The following BBOX1 variants were observed in gnomAD, a reference collection of about 807,000 sequenced individuals.
The protein encoded by BBOX1 is gamma-butyrobetaine dioxygenase.
BBOX1 carries 35 observed loss-of-function variants against 41.6 expected under a neutral mutation model. The observed-to-expected ratio is 0.84, with a 90% CI of 0.64 to 1.11. The LOEUF (loss-of-function observed/expected upper bound fraction) is 1.11. Among genes scored for constraint, BBOX1 ranks in the 50% most tolerant of loss-of-function variants. The pLI is 0.00. For missense variants in BBOX1, 458 were observed against 460.6 expected (o/e 0.99, Z 0.05); for synonymous variants, 163 against 154.7 (o/e 1.05, Z -0.40).
At chr11:27,047,947 T>A (rs893216454) in intron 2 of BBOX1, among the ~76,000 whole-genome samples, 1 of 152,180 alleles carries the variant, frequency 6.6e-6, no homozygotes, top group Non-Finnish European at 1.5e-5. Flanking sequence ...AATAATCTTT[T>A]TTCACTTTAT....
At chr11:27,126,165 A>AT (rs1859643887) in intron 8 of BBOX1, among the ~76,000 whole-genome samples, 1 of 152,214 alleles carries the variant, frequency 6.6e-6, no homozygotes, top group Admixed American at 6.5e-5. Flanking sequence ...AGCAGAAAGC[A>AT]TTATATTTTT....
chr11:27,080,103 T>G (rs955317896), intron 4 of BBOX1, among the ~76,000 whole-genome samples: 4 of 152,116 alleles, frequency 2.6e-5, no homozygotes, highest in Non-Finnish European at 5.9e-5. Flanking sequence ...TAATATTTAC[T>G]GCACTGTTTA....
rs201887644 is a variant in BBOX1, at chr11:27,064,912, A to C, written c.334+7597A>C. On this transcript the variant is annotated intron_variant, in intron 4 of 8. Coordinates refer to ENST00000263182, the MANE Select transcript of BBOX1 (RefSeq NM_003986.3). ...AGCCATAGGTGTCAGACATGAAAAA[A>C]AAAAACAACAAAAAAAACATCTCAA... 9.3e-4 allele frequency among the ~76,000 whole-genome samples: 141 copies of C among 151,860 alleles called. No homozygotes were observed. In the East Asian group the frequency reaches 0.019, roughly 21 times the overall value.
intron 4 of BBOX1, among the ~76,000 whole-genome samples, chr11:27,082,250 A>G (rs918644929): frequency 1.4e-4 from 21 of 152,242 alleles, no homozygotes; most frequent in African/African-American, 4.3e-4. Flanking sequence ...CTATTCTGCA[A>G]TTCTGGAGCA....
In BBOX1 at chr11:27,125,836, T is replaced by C. The variant is rs1859631647; in HGVS notation, c.1003+16T>C. On this transcript the variant is annotated intron_variant, in intron 8 of 8. Transcript: ENST00000263182. The stretch of plus-strand genomic sequence containing the variant: ...ATGAATCCAGGTCAGTGAATACATT[T>C]TCTCAAATAACCAAAAGCATGGATT... 1 of 1,597,340 alleles carries C rather than the reference T, an allele frequency of 6.3e-7. No homozygotes were observed. Among genetic ancestry groups the C allele is most frequent in the Non-Finnish European group, 8.5e-7 (1 of 1,173,224 alleles).
intron 4 of BBOX1, among the ~76,000 whole-genome samples, chr11:27,085,699 C>T (rs1457280653): frequency 6.6e-6 from 1 of 152,016 alleles, no homozygotes; most frequent in African/African-American, 2.4e-5. Flanking sequence ...TTGCATGTCT[C>T]TCACTTTAAA....
At chr11:27,080,743 C>T (rs148841425) in intron 4 of BBOX1, among the ~76,000 whole-genome samples, 2 of 152,042 alleles carry the variant, frequency 1.3e-5, no homozygotes, top group Admixed American at 6.6e-5. Flanking sequence ...ACCAGAAGAG[C>T]ATAAATATGA....
Position 27,115,562 on chromosome 11 carries a change from G to C in BBOX1, c.639+5G>C. 6.3e-7 allele frequency: 1 copy of C among 1,593,536 alleles called. No individual in the cohort carries two copies. Among genetic ancestry groups the C allele is most frequent in the Non-Finnish European group, 8.6e-7 (1 of 1,167,550 alleles). ...GCCCTCCATCATCCACCTGGGGTAA[G>C]TGAGCTTCAACATATTTTCCACAAA... On this transcript the variant is annotated splice_donor_5th_base_variant and intron_variant, in intron 6 of 8. Coordinates refer to ENST00000263182, the MANE Select transcript of BBOX1 (RefSeq NM_003986.3).
At chr11:27,077,079 C>T (rs1186187523) in intron 4 of BBOX1, among the ~76,000 whole-genome samples, 1 of 152,120 alleles carries the variant, frequency 6.6e-6, no homozygotes, top group Non-Finnish European at 1.5e-5. Context: ...TCCCACCCAC[C>T]CTTAAGTTCT....
Position 27,093,262 on chromosome 11 carries a change from C to T in BBOX1, c.429C>T (p.Thr143=), listed in dbSNP as rs1284147978. The T allele has an allele frequency of 1.2e-6, 2 of 1,612,346 alleles. No individual in the cohort carries two copies. The highest frequency in any genetic ancestry group is 2.7e-5 in the African/African-American group (2 of 74,752). The change falls in exon 5 of 9, where the codon ACC becomes ACT. Residue 143 remains threonine, a synonymous_variant. Coordinates refer to ENST00000263182, the MANE Select transcript of BBOX1 (RefSeq NM_003986.3). ...AACACGCATACAAGTGGCTCTCCAC[C>T]CTCAAGAAAGTAGGCATAGTAAGAC... ...YDEHAYKWLS[T]LKKVGIVRLT...
intron 5 of BBOX1, among the ~76,000 whole-genome samples, chr11:27,103,442 T>G (rs1238321348): frequency 6.6e-6 from 1 of 152,126 alleles, no homozygotes; most frequent in Non-Finnish European, 1.5e-5. Context: ...ATCTTAAGTC[T>G]TCTTTGCCGG....
Position 27,057,274 on chromosome 11 carries a change from A to G in BBOX1, c.293A>G (p.Lys98Arg). Residue 98 changes from lysine to arginine, a missense_variant, in exon 4 of 9, where the codon AAG becomes AGG. By Grantham distance (26) the Lys-to-Arg change is conservative. Coordinates refer to ENST00000263182, the MANE Select transcript of BBOX1 (RefSeq NM_003986.3). ...TGGCTGAAGAAAAGATGCTTTTCCA[A>G]GCAGGCCAGAGCAAAGCTCCAAAGA... ...ADWLKKRCFS[K>R]QARAKLQREL... 1.2e-6 allele frequency: 2 copies of G among 1,610,582 alleles called. No individual in the cohort carries two copies. The highest frequency in any genetic ancestry group is 1.7e-6 in the Non-Finnish European group (2 of 1,179,192).
chr11:27,073,869 C>T (rs568349895), intron 4 of BBOX1, among the ~76,000 whole-genome samples: 1 of 151,792 alleles, frequency 6.6e-6, no homozygotes, highest in Non-Finnish European at 1.5e-5. Context: ...ACAATGAGAA[C>T]ACTTGGACAC....
chr11:27,055,383 T>C lies in BBOX1; in HGVS notation c.-38-10T>C. ...TGCCTGAGATTCCTTTTAACACTGA[T>C]TTGTCATAGCAGGTAGCTGACAGCA... On this transcript the variant is annotated splice_polypyrimidine_tract_variant and intron_variant, in intron 2 of 8. Transcript: ENST00000263182. The C allele has an allele frequency of 1.3e-6, 2 of 1,576,910 alleles. No individual in the cohort carries two copies. The highest frequency in any genetic ancestry group is 1.7e-6 in the Non-Finnish European group (2 of 1,150,150).
At chr11:27,094,626 C>T (rs952698000) in intron 5 of BBOX1, among the ~76,000 whole-genome samples, 18 of 151,980 alleles carry the variant, frequency 1.2e-4, no homozygotes, top group African/African-American at 4.1e-4. Flanking sequence ...GAATCCTCCA[C>T]GCTCTCCAGA....
intron 6 of BBOX1, among the ~76,000 whole-genome samples, chr11:27,115,936 T>G (rs1429465188): frequency 6.6e-6 from 1 of 151,780 alleles, no homozygotes; most frequent in Non-Finnish European, 1.5e-5. Context: ...AAATGTAGGG[T>G]TTCCCTCAAA....
At chr11:27,081,976 A>G (rs1857854765) in intron 4 of BBOX1, among the ~76,000 whole-genome samples, 1 of 151,974 alleles carries the variant, frequency 6.6e-6, no homozygotes, top group African/African-American at 2.4e-5. Flanking sequence ...GGATGGATAG[A>G]TTGCAAAAAT....
intron 5 of BBOX1, among the ~76,000 whole-genome samples, chr11:27,104,594 G>C (rs1026085276): frequency 1.3e-5 from 2 of 152,140 alleles, no homozygotes; most frequent in Non-Finnish European, 2.9e-5. Context: ...TTGAGTAAGA[G>C]CTATTCTAGA....
At chr11:27,076,981 C>T (rs1257507600) in intron 4 of BBOX1, among the ~76,000 whole-genome samples, 1 of 152,156 alleles carries the variant, frequency 6.6e-6, no homozygotes, top group Non-Finnish European at 1.5e-5. Flanking sequence ...CCCCAGAAGA[C>T]AGCTACCATG....
Sources: allele counts gnomAD v4.1 joint callset (sites outside exome capture counted in the v4.1 genomes callset), GRCh38; gene constraint gnomAD v4.1.1; transcripts MANE v1.5; gene names NCBI Gene and HGNC (gene_info 2026-07-23, HGNC 2026-07-21).